AUTS2: variants seen among roughly 807,000 people sequenced by gnomAD.
The protein encoded by AUTS2 is activator of transcription and developmental regulator AUTS2, also known as autism susceptibility gene 2 protein.
AUTS2 carries 17 observed loss-of-function variants against 112.4 expected under a neutral mutation model. The ratio of observed to expected loss-of-function variants is 0.15; its 90% confidence interval spans 0.10 to 0.23. AUTS2 has a LOEUF of 0.23. Ranked by LOEUF, AUTS2 falls within the 10% of genes least tolerant of loss-of-function variation. AUTS2 has a pLI of 1.00. For synonymous variants in AUTS2, 751 were observed against 702.7 expected (o/e 1.07, Z -1.09); for missense variants, 1,510 against 1,701.6 (o/e 0.89, Z 1.98).
rs1008616962 is a variant in AUTS2, at chr7:70,765,969, G to T, written c.1469-145G>T. The T allele has an allele frequency of 4.3e-6, 6 of 1,403,682 alleles. No homozygotes were observed. The African/African-American group carries it at 7.2e-5, about 17-fold the overall frequency. 87.0% of individuals were successfully genotyped at this position (1,403,682 alleles called of 1,614,324 possible). On this transcript the variant is annotated intron_variant, in intron 8 of 18. Transcript: ENST00000342771. Reference sequence around the variant, plus strand: ...GGGCCTTGGTCTCGTCTGCTTCATTGATTGCCCCCGTTTATCTCAGGGCCC... The same window carrying T: ...GGGCCTTGGTCTCGTCTGCTTCATTTATTGCCCCCGTTTATCTCAGGGCCC...
intron 2 of AUTS2, among the ~76,000 whole-genome samples, chr7:70,032,276 C>A (rs1800816326): frequency 6.6e-6 from 1 of 152,114 alleles, no homozygotes; most frequent in African/African-American, 2.4e-5. Context: ...TTTGACCTCA[C>A]TGAAATGAAT....
At chr7:69,796,916 A>C (rs1162422046) in intron 1 of AUTS2, among the ~76,000 whole-genome samples, 1 of 152,110 alleles carries the variant, frequency 6.6e-6, no homozygotes. Flanking sequence ...GTGTTGTTTG[A>C]GATTAAAGTG....
intron 1 of AUTS2, among the ~76,000 whole-genome samples, chr7:69,764,305 C>G (rs1416918696): frequency 6.6e-6 from 1 of 151,932 alleles, no homozygotes; most frequent in Non-Finnish European, 1.5e-5. Flanking sequence ...CTGGGATGAA[C>G]ACTGGAGCCC....
chr7:69,884,222 A>G (rs1221754387), intron 1 of AUTS2, among the ~76,000 whole-genome samples: 4 of 152,212 alleles, frequency 2.6e-5, no homozygotes, highest in East Asian at 3.8e-4. Context: ...TGCTGAGCTC[A>G]TTGTGGACAG....
intron 5 of AUTS2, among the ~76,000 whole-genome samples, chr7:70,577,298 T>TGTTATAAATAAGTGGTTAA (rs1802211672): frequency 6.6e-6 from 1 of 152,228 alleles, no homozygotes; most frequent in African/African-American, 2.4e-5. Flanking sequence ...CTGGCCCATC[T>TGTTATAAATAAGTGGTTAA]GTTATAAATA....
chr7:70,026,139 G>A (rs887237045), intron 2 of AUTS2, among the ~76,000 whole-genome samples: 2 of 152,170 alleles, frequency 1.3e-5, no homozygotes, highest in Non-Finnish European at 2.9e-5. Flanking sequence ...CAGAGGCTTT[G>A]GGTGGTACCT....
chr7:69,725,638 G>C (rs1786473924), intron 1 of AUTS2, among the ~76,000 whole-genome samples: 2 of 152,146 alleles, frequency 1.3e-5, no homozygotes, highest in South Asian at 4.1e-4. Context: ...CTGGAGAACT[G>C]GGTTTGTCTT....
chr7:70,781,867 C>T, intron 15 of AUTS2, 111 bp downstream of exon 15: 1 of 1,376,862 alleles, frequency 7.3e-7, no homozygotes, highest in South Asian at 1.4e-5. Flanking sequence ...TACAAAAATA[C>T]AGTTAATGCC....
chr7:70,098,818 T>G (rs1804335802), intron 2 of AUTS2, among the ~76,000 whole-genome samples: 1 of 151,926 alleles, frequency 6.6e-6, no homozygotes, highest in South Asian at 2.1e-4. Context: ...TTCTCCTGCC[T>G]CAGCCTCCCG....
chr7:70,359,353 T>C (rs1205333018), intron 4 of AUTS2, among the ~76,000 whole-genome samples: 1 of 152,218 alleles, frequency 6.6e-6, no homozygotes, highest in African/African-American at 2.4e-5. Context: ...ATATGGTTCA[T>C]AGGCTTCTGT....
At chr7:70,712,601 G>C (rs1810120296) in intron 6 of AUTS2, among the ~76,000 whole-genome samples, 1 of 152,098 alleles carries the variant, frequency 6.6e-6, no homozygotes, top group Admixed American at 6.5e-5. Context: ...GGAAACTCTG[G>C]GGTAGAGTCA....
intron 4 of AUTS2, among the ~76,000 whole-genome samples, chr7:70,338,936 C>T (rs1191654621): frequency 1.3e-5 from 2 of 151,472 alleles, no homozygotes; most frequent in Non-Finnish European, 2.9e-5. Context: ...GATCTCGGCT[C>T]ACTGCAAGCT....
chr7:69,734,913 C>A (rs1355529522), intron 1 of AUTS2, among the ~76,000 whole-genome samples: 1 of 152,068 alleles, frequency 6.6e-6, no homozygotes, highest in African/African-American at 2.4e-5. Context: ...TCAATGTAAA[C>A]CATATGGGAC....
intron 1 of AUTS2, among the ~76,000 whole-genome samples, chr7:69,837,751 A>G (rs139220876): frequency 1.6e-3 from 244 of 152,332 alleles, no homozygotes; most frequent in African/African-American, 5.6e-3. Context: ...TCTCTCTGGT[A>G]TCATCGATTA....
At chr7:70,581,709 A>G in intron 5 of AUTS2, among the ~76,000 whole-genome samples, 1 of 152,196 alleles carries the variant, frequency 6.6e-6, no homozygotes, top group Non-Finnish European at 1.5e-5. Flanking sequence ...CCTGGTTCCT[A>G]GTAAGCCATG....
At chr7:69,782,350 C>A in intron 1 of AUTS2, among the ~76,000 whole-genome samples, 1 of 151,298 alleles carries the variant, frequency 6.6e-6, no homozygotes, top group East Asian at 1.9e-4. Flanking sequence ...AGAGTGAGAC[C>A]CCATCTCTCT....
At chr7:70,625,361 C>T (rs1025135663) in intron 5 of AUTS2, among the ~76,000 whole-genome samples, 6 of 152,120 alleles carry the variant, frequency 3.9e-5, no homozygotes, top group African/African-American at 1.2e-4. Context: ...GACTTACAGC[C>T]GTTGAAGTTG....
At chr7:70,722,035 C>CT (rs376563267) in intron 6 of AUTS2, among the ~76,000 whole-genome samples, 19 of 148,940 alleles carry the variant, frequency 1.3e-4, no homozygotes, top group Admixed American at 2.7e-4. Context: ...AAATAGTGAG[C>CT]TTTTTTTTTT....
intron 5 of AUTS2, among the ~76,000 whole-genome samples, chr7:70,481,491 T>C (rs1797785381): frequency 6.6e-6 from 1 of 152,210 alleles, no homozygotes; most frequent in African/African-American, 2.4e-5. Context: ...GTAGGTCCTG[T>C]CCTGTCATTT....
Sources: gnomAD v4.1 joint callset for allele counts (sites outside exome capture counted in the v4.1 genomes callset) on GRCh38, gnomAD v4.1.1 for gene constraint, MANE v1.5 for transcripts, NCBI Gene and HGNC (gene_info 2026-07-23, HGNC 2026-07-21) for gene names.